OPRM1: variants seen among roughly 807,000 people sequenced by gnomAD.
OPRM1 encodes the protein opioid receptor mu 1.
In OPRM1, 27 loss-of-function variants were observed where a neutral mutation model predicts 31.8. The observed-to-expected ratio is 0.85, with a 90% confidence interval of 0.63 to 1.17. The LOEUF (loss-of-function observed/expected upper bound fraction) is 1.17, where lower values mean the gene tolerates loss of function less well. Ranked by LOEUF, OPRM1 falls within the 50% of genes most tolerant of loss-of-function variation. The probability of loss-of-function intolerance (pLI) is 0.00; values close to 1 mark genes in which losing one functional copy is unlikely to be tolerated. For synonymous variants in OPRM1, 196 were observed against 189.9 expected (o/e 1.03, Z -0.26); for missense variants, 536 against 511.1 (o/e 1.05, Z -0.47).
rs189031806 is a variant in OPRM1, at chr6:154,165,439, C to T, written c.1164+73967C>T. Among the ~76,000 whole-genome samples the T allele has an allele frequency of 1.3e-3, 199 of 152,324 alleles. 1 individual carries two copies. Among genetic ancestry groups the T allele is most frequent in the Non-Finnish European group, 1.8e-3 (120 of 68,036 alleles). On this transcript the variant is annotated intron_variant, in intron 3 of 3. Transcript: ENST00000337049. ...TCTCTCCTTTGAATAGGTTGATGCA[C>T]TTTGCTTTTGTTCAGCTTCTTCAGC...
chr6:154,114,887 A>AAAC (rs1393546916), intron 3 of OPRM1, among the ~76,000 whole-genome samples: 1 of 151,932 alleles, frequency 6.6e-6, no homozygotes, highest in Non-Finnish European at 1.5e-5. Context: ...AAAAAAAAAA[A>AAAC]AACAAAAAAC....
intron 3 of OPRM1, among the ~76,000 whole-genome samples, chr6:154,181,133 A>G (rs1020640363): frequency 3.9e-5 from 6 of 152,154 alleles, no homozygotes; most frequent in African/African-American, 1.2e-4. Flanking sequence ...ACAACTCTAC[A>G]ACATAGCAAA....
chr6:154,185,119 A>G (rs960674459), intron 3 of OPRM1, among the ~76,000 whole-genome samples: 5 of 152,320 alleles, frequency 3.3e-5, no homozygotes, highest in South Asian at 2.1e-4. Flanking sequence ...ATAAAGAAAC[A>G]TATTGAATAT....
At chr6:154,159,599 G>A (rs536697381) in intron 3 of OPRM1, 9 of 526,444 alleles carry the variant, frequency 1.7e-5, no homozygotes, top group East Asian at 6.9e-5. Context: ...CACAAAAAAC[G>A]CCTTTCAACT....
chr6:154,244,943 T>A (rs949105706), intron 3 of OPRM1, among the ~76,000 whole-genome samples: 1 of 152,190 alleles, frequency 6.6e-6, no homozygotes, highest in African/African-American at 2.4e-5. Context: ...GGTTCTCTCA[T>A]GTTATAAAAG....
At chr6:154,098,123 G>C (rs1305724340) in intron 3 of OPRM1, among the ~76,000 whole-genome samples, 1 of 152,102 alleles carries the variant, frequency 6.6e-6, no homozygotes, top group African/African-American at 2.4e-5. Context: ...GCTAACTATT[G>C]ACTCCAGTTA....
intron 1 of OPRM1, among the ~76,000 whole-genome samples, chr6:154,085,273 G>T (rs1278131794): frequency 1.3e-5 from 2 of 152,084 alleles, no homozygotes; most frequent in African/African-American, 2.4e-5. Context: ...TAAAAGAATA[G>T]GTGAGCTGCC....
At chr6:154,018,897 T>G (rs1033113325) in intron 1 of OPRM1, among the ~76,000 whole-genome samples, 6 of 152,246 alleles carry the variant, frequency 3.9e-5, no homozygotes, top group African/African-American at 1.2e-4. Flanking sequence ...ACACATAATT[T>G]CTCCTCCACA....
chr6:154,196,684 G>C (rs546068671), intron 3 of OPRM1, among the ~76,000 whole-genome samples: 14 of 152,264 alleles, frequency 9.2e-5, no homozygotes, highest in African/African-American at 3.1e-4. Context: ...AAGAAATGAG[G>C]AGCACAGGGT....
intron 3 of OPRM1, among the ~76,000 whole-genome samples, chr6:154,145,316 G>A (rs542596400): frequency 1.2e-4 from 19 of 152,254 alleles, no homozygotes; most frequent in South Asian, 6.2e-4. Context: ...CAAAATCACA[G>A]AATTGAAGAT....
intron 1 of OPRM1, among the ~76,000 whole-genome samples, chr6:154,044,133 G>C (rs1259772813): frequency 6.6e-6 from 1 of 152,118 alleles, no homozygotes; most frequent in East Asian, 1.9e-4. Context: ...GAGAGAGAGA[G>C]AGAGATAGAC....
At chr6:154,213,810 A>C (rs1486242507) in intron 3 of OPRM1, among the ~76,000 whole-genome samples, 1 of 152,222 alleles carries the variant, frequency 6.6e-6, no homozygotes. Flanking sequence ...ATCTTAGGGT[A>C]ATTAGCCTCA....
chr6:154,060,407 G>A (rs1784159188), intron 1 of OPRM1, among the ~76,000 whole-genome samples: 1 of 152,168 alleles, frequency 6.6e-6, no homozygotes, highest in South Asian at 2.1e-4. Context: ...ACTCTTATCT[G>A]TAACTCTTTC....
chr6:154,053,685 C>G (rs1782638234), intron 1 of OPRM1, among the ~76,000 whole-genome samples: 1 of 152,136 alleles, frequency 6.6e-6, no homozygotes, highest in Admixed American at 6.5e-5. Flanking sequence ...AATTTTGTCC[C>G]CATCCATCCA....
At chr6:154,143,881 C>T (rs887717256) in intron 3 of OPRM1, among the ~76,000 whole-genome samples, 2 of 151,984 alleles carry the variant, frequency 1.3e-5, no homozygotes, top group Non-Finnish European at 2.9e-5. Context: ...AATAAAAAGG[C>T]AGTTATCTGA....
At chr6:154,115,760 C>A (rs546745891) in intron 3 of OPRM1, among the ~76,000 whole-genome samples, 1 of 152,302 alleles carries the variant, frequency 6.6e-6, no homozygotes, top group Non-Finnish European at 1.5e-5. Flanking sequence ...CTTCCCCCTC[C>A]ATTAAAGGAG....
At chr6:154,100,129 GAC>G (rs1386836263) in intron 3 of OPRM1, among the ~76,000 whole-genome samples, 16 of 28,254 alleles carry the variant, frequency 5.7e-4, no homozygotes, top group East Asian at 2.9e-3. Context: ...ATCATATTAT[GAC>G]ATATAATATA....
At position 154,122,325 on chromosome 6, in the gene OPRM1, C is replaced by T. The variant is rs2128527445; in HGVS notation, c.*3604C>T. ...TCAAGATTCTTGCCTGGATTCTCAA[C>T]ATAAGTCTTTACTCACAGGCCTATT... is the stretch of plus-strand genomic sequence containing the variant. On this transcript the variant is annotated 3_prime_UTR_variant, in exon 4 of 4. Transcript: ENST00000330432. Among the ~76,000 whole-genome samples, 1 of 152,292 alleles carries T rather than the reference C, an allele frequency of 6.6e-6. No homozygotes were observed. Among genetic ancestry groups the T allele is most frequent in the African/African-American group, 2.4e-5 (1 of 41,580 alleles).
downstream of OPRM1, among the ~76,000 whole-genome samples, chr6:154,134,402 C>A (rs1053813647): frequency 3.3e-5 from 5 of 152,116 alleles, no homozygotes; most frequent in Admixed American, 1.3e-4. Flanking sequence ...CAGGAGGGTG[C>A]CCTCTCTGAA....
Sources: gnomAD v4.1 joint callset for allele counts (sites outside exome capture counted in the v4.1 genomes callset) on GRCh38, gnomAD v4.1.1 for gene constraint, MANE v1.5 for transcripts, NCBI Gene and HGNC (gene_info 2026-07-23, HGNC 2026-07-21) for gene names.